PRKACB: variants seen among roughly 807,000 people sequenced by gnomAD.
PRKACB encodes the protein protein kinase cAMP-activated catalytic subunit beta.
Under a neutral mutation model 51.4 loss-of-function variants are expected in PRKACB, and 16 were observed. The ratio of observed to expected loss-of-function variants is 0.31; its 90% confidence interval spans 0.21 to 0.47. PRKACB has a LOEUF of 0.47. PRKACB is among the 20% of genes least tolerant of loss of function. The probability of loss-of-function intolerance (pLI) is 1.00; values close to 1 mark genes in which losing one functional copy is unlikely to be tolerated. For synonymous variants in PRKACB, 147 were observed against 154.4 expected (o/e 0.95, Z 0.35); for missense variants, 309 against 464.5 (o/e 0.67, Z 3.08).
chr1:84,145,850 A>G (rs1653982176), intron 1 of PRKACB, among the ~76,000 whole-genome samples: 1 of 151,954 alleles, frequency 6.6e-6, no homozygotes, highest in Admixed American at 6.6e-5. Context: ...CCTTTTGGAA[A>G]TTATTTTTAT....
intron 1 of PRKACB, among the ~76,000 whole-genome samples, chr1:84,158,538 A>G (rs1399665827): frequency 6.6e-6 from 1 of 152,074 alleles, no homozygotes; most frequent in Non-Finnish European, 1.5e-5. Flanking sequence ...CTTATTATCA[A>G]TTCTCAATAA....
chr1:84,118,098 A>G (rs746250249), intron 1 of PRKACB, among the ~76,000 whole-genome samples: 11 of 152,094 alleles, frequency 7.2e-5, no homozygotes, highest in African/African-American at 9.7e-5. Context: ...AAGGAGTTCT[A>G]CTGAGGTTTA....
intron 1 of PRKACB, among the ~76,000 whole-genome samples, chr1:84,119,920 A>G (rs906728822): frequency 2.0e-5 from 3 of 152,146 alleles, no homozygotes; most frequent in African/African-American, 7.2e-5. Context: ...AGTGTTTCCT[A>G]TATTGGAATA....
At chr1:84,084,121 A>C (rs1011447715) in intron 1 of PRKACB, among the ~76,000 whole-genome samples, 3 of 152,226 alleles carry the variant, frequency 2.0e-5, no homozygotes, top group African/African-American at 4.8e-5. Context: ...AGGTTCAAAA[A>C]GGACTTCAAA....
intron 5 of PRKACB, among the ~76,000 whole-genome samples, chr1:84,190,828 G>C (rs1436503352): frequency 1.3e-5 from 2 of 151,958 alleles, no homozygotes; most frequent in Non-Finnish European, 2.9e-5. Context: ...TTTAAGTTCT[G>C]TTTTATTGTA....
chr1:84,093,930 C>T (rs1484836515), intron 1 of PRKACB, among the ~76,000 whole-genome samples: 1 of 151,782 alleles, frequency 6.6e-6, no homozygotes, highest in Non-Finnish European at 1.5e-5. Flanking sequence ...AGTATATAAG[C>T]ATAGGGTTAG....
chr1:84,219,329 A>T (rs1296945042), intron 9 of PRKACB, among the ~76,000 whole-genome samples: 6 of 150,886 alleles, frequency 4.0e-5, no homozygotes, highest in Admixed American at 1.3e-4. Context: ...GGTTCAAGTG[A>T]TTCTTCTGCC....
intron 9 of PRKACB, among the ~76,000 whole-genome samples, chr1:84,227,545 G>A (rs575953125): frequency 1.3e-5 from 2 of 152,164 alleles, no homozygotes; most frequent in East Asian, 1.9e-4. Context: ...TTCCTATTAT[G>A]TGTTTAATTT....
chr1:84,096,255 A>G (rs534230658), intron 1 of PRKACB, among the ~76,000 whole-genome samples: 2 of 151,956 alleles, frequency 1.3e-5, no homozygotes, highest in Non-Finnish European at 2.9e-5. Flanking sequence ...CTGAACTTCA[A>G]TTTTTCTTTC....
chr1:84,102,823 C>T (rs1174858291), intron 1 of PRKACB, among the ~76,000 whole-genome samples: 3 of 152,130 alleles, frequency 2.0e-5, no homozygotes, highest in Non-Finnish European at 2.9e-5. Flanking sequence ...ACTCTCAGGA[C>T]TAATCAAGGA....
chr1:84,092,718 T>C (rs574300611), intron 1 of PRKACB, among the ~76,000 whole-genome samples: 1 of 152,196 alleles, frequency 6.6e-6, no homozygotes, highest in East Asian at 1.9e-4. Flanking sequence ...GTGCTTAGGG[T>C]TTTAGTCGCT....
At chr1:84,174,976 T>C in intron 1 of PRKACB, 1 of 1,407,702 alleles carries the variant, frequency 7.1e-7, no homozygotes, top group Admixed American at 3.1e-5. Context: ...GGTGACTTCA[T>C]GCTAATATGT....
intron 1 of PRKACB, chr1:84,085,969 G>A (rs960740639): frequency 2.7e-5 from 19 of 704,458 alleles, no homozygotes; most frequent in South Asian, 2.1e-4. Context: ...ACAGTGAGAC[G>A]CCAGTGCTTG....
chr1:84,183,761 G>C (rs1308161538), intron 3 of PRKACB, among the ~76,000 whole-genome samples: 2 of 151,508 alleles, frequency 1.3e-5, no homozygotes, highest in Admixed American at 6.6e-5. Context: ...TTCCTACTTA[G>C]CTCTCACTTC....
intron 1 of PRKACB, among the ~76,000 whole-genome samples, chr1:84,176,817 C>T (rs553805394): frequency 2.0e-5 from 3 of 151,854 alleles, no homozygotes; most frequent in Non-Finnish European, 4.4e-5. Flanking sequence ...TATTATTTGA[C>T]AGTAAACTCA....
At chr1:84,181,745 A>G (rs1355069556) in intron 2 of PRKACB, 5 of 1,474,004 alleles carry the variant, frequency 3.4e-6, no homozygotes, top group Middle Eastern at 1.7e-4. Context: ...TTAGTGAAAG[A>G]GCTCTGATCC....
intron 1 of PRKACB, among the ~76,000 whole-genome samples, chr1:84,092,657 A>G (rs1435314580): frequency 2.0e-5 from 3 of 152,150 alleles, no homozygotes; most frequent in Non-Finnish European, 2.9e-5. Context: ...TGGTTCTGGT[A>G]AATACCACCA....
intron 5 of PRKACB, among the ~76,000 whole-genome samples, chr1:84,191,736 A>G (rs1433328068): frequency 6.6e-6 from 1 of 152,078 alleles, no homozygotes; most frequent in African/African-American, 2.4e-5. Context: ...TGCTATGCTC[A>G]CCACCTGGAT....
intron 9 of PRKACB, among the ~76,000 whole-genome samples, chr1:84,216,006 GCA>G (rs1424068665): frequency 2.0e-5 from 3 of 151,860 alleles, no homozygotes; most frequent in African/African-American, 7.3e-5. Flanking sequence ...AGTATTAAAA[GCA>G]CAGTTTTTCT....
Sources: allele counts gnomAD v4.1 joint callset (sites outside exome capture counted in the v4.1 genomes callset), GRCh38; gene constraint gnomAD v4.1.1; transcripts MANE v1.5; gene names NCBI Gene and HGNC (gene_info 2026-07-23, HGNC 2026-07-21).